The following CHN2 variants were observed in gnomAD, a reference collection of about 807,000 sequenced individuals.
CHN2 encodes the protein chimerin 2, also known as beta-chimaerin.
In CHN2, 35 loss-of-function variants were observed where a neutral mutation model predicts 56.3. The ratio of observed to expected loss-of-function variants is 0.62; its 90% confidence interval spans 0.47 to 0.82. The LOEUF (loss-of-function observed/expected upper bound fraction) is 0.82, where lower values mean the gene tolerates loss of function less well. Ranked by LOEUF, CHN2 falls within the 40% of genes least tolerant of loss-of-function variation. The pLI is 0.00. For synonymous variants in CHN2, 210 were observed against 212.8 expected, an observed-to-expected ratio of 0.99 and a Z score of 0.12; for missense variants, 491 against 580.5, an observed-to-expected ratio of 0.85 and a Z score of 1.58.
At chr7:29,414,724 T>A (rs1336812018) in intron 6 of CHN2, among the ~76,000 whole-genome samples, 1 of 152,142 alleles carries the variant, frequency 6.6e-6, no homozygotes, top group Non-Finnish European at 1.5e-5. Flanking sequence ...TCCCTAGCTG[T>A]GTCCAAGAGG....
rs1303695137 is a variant in CHN2, at chr7:29,486,535, C to T, written c.654+6179C>T. ...CCCGTGTCTGATCCATGGGAGCGGGCGGGTAAGGGGGAGGAGGGATCTGTC... is the reference window on the plus strand; with the variant it reads ...CCCGTGTCTGATCCATGGGAGCGGGTGGGTAAGGGGGAGGAGGGATCTGTC... On this transcript the variant is annotated intron_variant, in intron 7 of 12. Coordinates refer to ENST00000222792, the MANE Select transcript of CHN2 (RefSeq NM_004067.4). 2.1e-4 allele frequency among the ~76,000 whole-genome samples: 32 copies of T among 152,130 alleles called. 1 individual carries two copies. The highest frequency in any genetic ancestry group is 2.0e-3 in the Admixed American group (31 of 15,288).
chr7:29,333,946 T>C (rs1259583677), intron 1 of CHN2, among the ~76,000 whole-genome samples: 1 of 152,164 alleles, frequency 6.6e-6, no homozygotes, highest in Non-Finnish European at 1.5e-5. Flanking sequence ...TTCTGGACAT[T>C]TTGAAGATTA....
intron 6 of CHN2, among the ~76,000 whole-genome samples, chr7:29,405,319 T>A (rs917061143): frequency 2.0e-5 from 3 of 151,956 alleles, no homozygotes; most frequent in Non-Finnish European, 2.9e-5. Flanking sequence ...TAACGAAGAG[T>A]CTGTGTTTAG....
At chr7:29,408,616 G>C (rs1437572017) in intron 6 of CHN2, among the ~76,000 whole-genome samples, 1 of 152,182 alleles carries the variant, frequency 6.6e-6, no homozygotes, top group Non-Finnish European at 1.5e-5. Context: ...CCTTTCCCGA[G>C]ATTATTGCCT....
chr7:29,290,568 G>A (rs1427214582), intron 1 of CHN2, among the ~76,000 whole-genome samples: 1 of 152,218 alleles, frequency 6.6e-6, no homozygotes. Flanking sequence ...TGGCCAGGCA[G>A]TATTCCCGTG....
intron 4 of CHN2, among the ~76,000 whole-genome samples, chr7:29,396,084 A>T (rs893003294): frequency 1.3e-5 from 2 of 152,154 alleles, no homozygotes; most frequent in African/African-American, 2.4e-5. Context: ...TTATATATCA[A>T]TTAAAAATAA....
At chr7:29,432,951 G>A (rs957437924) in intron 6 of CHN2, among the ~76,000 whole-genome samples, 6 of 152,172 alleles carry the variant, frequency 3.9e-5, no homozygotes, top group South Asian at 2.1e-4. Flanking sequence ...TTCTGTTGGC[G>A]ACAGCTCTGT....
intron 1 of CHN2, among the ~76,000 whole-genome samples, chr7:29,202,412 A>C (rs1259932648): frequency 6.6e-6 from 1 of 152,246 alleles, no homozygotes; most frequent in Non-Finnish European, 1.5e-5. Context: ...GGAATATGAC[A>C]GTTTCTAAGA....
intron 1 of CHN2, among the ~76,000 whole-genome samples, chr7:29,237,601 G>T (rs1004465234): frequency 6.6e-6 from 1 of 152,124 alleles, no homozygotes; most frequent in African/African-American, 2.4e-5. Flanking sequence ...ACTTTTCTGG[G>T]TTCCTTTCTG....
At chr7:29,157,853 T>C (rs2128704191) in intron 2 of CHN2, among the ~76,000 whole-genome samples, 1 of 152,270 alleles carries the variant, frequency 6.6e-6, no homozygotes, top group East Asian at 1.9e-4. Flanking sequence ...AAAATCCTTC[T>C]ATGTAGATTA....
intron 1 of CHN2, among the ~76,000 whole-genome samples, chr7:29,324,245 A>ATCAT (rs1401678273): frequency 9.9e-5 from 15 of 152,098 alleles, no homozygotes; most frequent in African/African-American, 3.6e-4. Flanking sequence ...GTATCTTACA[A>ATCAT]CTTCTGGAAT....
chr7:29,201,329 C>T (rs1354955984), intron 1 of CHN2, among the ~76,000 whole-genome samples: 1 of 152,106 alleles, frequency 6.6e-6, no homozygotes, highest in Admixed American at 6.5e-5. Context: ...ATCTAGGACC[C>T]AAGCTCCTGT....
chr7:29,318,549 G>A (rs1795120763), intron 1 of CHN2, among the ~76,000 whole-genome samples: 1 of 152,158 alleles, frequency 6.6e-6, no homozygotes, highest in African/African-American at 2.4e-5. Flanking sequence ...CAAGGGCAAG[G>A]TCAGAGCCCT....
intron 1 of CHN2, among the ~76,000 whole-genome samples, chr7:29,315,744 C>T (rs1306735377): frequency 1.3e-5 from 2 of 151,908 alleles, no homozygotes; most frequent in East Asian, 3.9e-4. Context: ...GGTGATTCAG[C>T]AGTGAATAAA....
intron 2 of CHN2, among the ~76,000 whole-genome samples, chr7:29,367,304 T>C (rs757917729): frequency 1.6e-4 from 24 of 152,196 alleles, no homozygotes; most frequent in Admixed American, 6.5e-4. Flanking sequence ...GAAGGAGTTA[T>C]TATTATTTAA....
At chr7:29,430,795 A>G (rs1303250381) in intron 6 of CHN2, among the ~76,000 whole-genome samples, 27 of 96,706 alleles carry the variant, frequency 2.8e-4, no homozygotes, top group Non-Finnish European at 3.8e-4. Context: ...ATAGCAAAAA[A>G]AAAAAAAAAA....
At chr7:29,427,252 G>A (rs1417247367) in intron 6 of CHN2, among the ~76,000 whole-genome samples, 1 of 152,160 alleles carries the variant, frequency 6.6e-6, no homozygotes, top group Admixed American at 6.5e-5. Context: ...GGAGGCAGAG[G>A]TTGCAGTGAA....
intron 1 of CHN2, among the ~76,000 whole-genome samples, chr7:29,337,813 T>C (rs534080377): frequency 2.4e-4 from 37 of 152,332 alleles, no homozygotes; most frequent in African/African-American, 8.9e-4. Flanking sequence ...CCTGTGCTGT[T>C]TGTTGCTCTG....
rs767125931 is a variant in CHN2, at chr7:29,400,706, A to C, written c.454A>C (p.Ile152Leu). The change falls in exon 6 of 13, where the codon ATC becomes CTC. Residue 152 changes from isoleucine to leucine, a missense_variant. By Grantham distance (5) the Ile-to-Leu change is conservative. Coordinates refer to ENST00000222792, the MANE Select transcript of CHN2 (RefSeq NM_004067.4). Reference sequence around the variant, plus strand: ...CATTTCAAAAATGACAACTAACCCCATCTATGAACACATTGGATATGCCAC... The same window carrying C: ...CATTTCAAAAATGACAACTAACCCCCTCTATGAACACATTGGATATGCCAC... ...EYISKMTTNP[I>L]YEHIGYATLL... The C allele has an allele frequency of 6.2e-7, 1 of 1,614,206 alleles. No homozygotes were observed. Among genetic ancestry groups the C allele is most frequent in the South Asian group, 1.1e-5 (1 of 91,082 alleles).
Sources: allele counts gnomAD v4.1 joint callset (sites outside exome capture counted in the v4.1 genomes callset), GRCh38; gene constraint gnomAD v4.1.1; transcripts MANE v1.5; gene names NCBI Gene and HGNC (gene_info 2026-07-23, HGNC 2026-07-21).